CNTN5: variants seen among roughly 807,000 people sequenced by gnomAD.
CNTN5 encodes contactin 5, also known as contactin-5.
CNTN5 carries 77 observed loss-of-function variants against 129.1 expected under a neutral mutation model. The ratio of observed to expected loss-of-function variants is 0.60; its 90% CI spans 0.50 to 0.72. The LOEUF is 0.72. Ranked by LOEUF, CNTN5 falls within the 30% of genes least tolerant of loss-of-function variation. The pLI, the probability that CNTN5 is intolerant of heterozygous loss-of-function variation, is 0.00. For missense variants in CNTN5, 1,478 were observed against 1,328.8 expected (o/e 1.11, Z -1.75); for synonymous variants, 509 against 465.6 (o/e 1.09, Z -1.20).
intron 1 of CNTN5, among the ~76,000 whole-genome samples, chr11:99,181,111 G>A (rs1460810571): frequency 6.6e-6 from 1 of 152,152 alleles, no homozygotes; most frequent in Non-Finnish European, 1.5e-5. Flanking sequence ...ACCACCACCA[G>A]GGGGTCTGGT....
chr11:99,055,644 G>A (rs1330058131), intron 1 of CNTN5, among the ~76,000 whole-genome samples: 1 of 151,826 alleles, frequency 6.6e-6, no homozygotes, highest in East Asian at 1.9e-4. Context: ...GCTGTATGGT[G>A]TACATTTTAA....
At chr11:99,322,508 A>G (rs1486289517) in intron 1 of CNTN5, among the ~76,000 whole-genome samples, 1 of 152,198 alleles carries the variant, frequency 6.6e-6, no homozygotes, top group Non-Finnish European at 1.5e-5. Context: ...TTTGAAGCAT[A>G]GGGAACAGTG....
chr11:99,898,071 AG>A (rs1409848836), intron 6 of CNTN5, among the ~76,000 whole-genome samples: 8 of 152,130 alleles, frequency 5.3e-5, no homozygotes, highest in Non-Finnish European at 1.0e-4. Context: ...AATACAGTGA[AG>A]GCATTGCTAA....
intron 3 of CNTN5, among the ~76,000 whole-genome samples, chr11:99,682,300 AAAGAG>A (rs148885525): frequency 0.014 from 2,168 of 152,036 alleles, 101 homozygotes; most frequent in Admixed American, 0.094. Flanking sequence ...TGTAAAATGA[AAAGAG>A]AAGAGAGATA....
At chr11:99,208,844 T>A (rs2169380) in intron 1 of CNTN5, among the ~76,000 whole-genome samples, 18,510 of 152,100 alleles carry the variant, frequency 0.12, 1,560 homozygotes, top group East Asian at 0.4. Context: ...GCAAGGAGGT[T>A]ACTGGAAGAA....
chr11:99,435,440 C>T (rs989868809), intron 2 of CNTN5, among the ~76,000 whole-genome samples: 11 of 152,264 alleles, frequency 7.2e-5, no homozygotes, highest in African/African-American at 2.6e-4. Context: ...GGGTTCTACA[C>T]ACTAGCAGTG....
At chr11:99,647,388 T>C (rs1484290673) in intron 3 of CNTN5, among the ~76,000 whole-genome samples, 2 of 152,138 alleles carry the variant, frequency 1.3e-5, no homozygotes, top group African/African-American at 4.8e-5. Context: ...TTCTGTTCCA[T>C]TGGTCTATGT....
chr11:100,087,705 G>A (rs1411391568), intron 13 of CNTN5, among the ~76,000 whole-genome samples: 5 of 152,002 alleles, frequency 3.3e-5, no homozygotes, highest in African/African-American at 1.2e-4. Context: ...CCTACTTAGA[G>A]CATTAGACAG....
At chr11:100,050,795 A>C (rs868385511) in intron 9 of CNTN5, among the ~76,000 whole-genome samples, 4 of 152,156 alleles carry the variant, frequency 2.6e-5, no homozygotes, top group Admixed American at 6.6e-5. Context: ...TGAAGAGAGT[A>C]TCTTAATATC....
At chr11:99,690,508 A>G (rs1474210148) in intron 3 of CNTN5, among the ~76,000 whole-genome samples, 15 of 152,146 alleles carry the variant, frequency 9.9e-5, no homozygotes, top group Admixed American at 9.8e-4. Flanking sequence ...TTCTGTGAAG[A>G]ATGTCCATGG....
chr11:99,058,869 G>A (rs1472776278), intron 1 of CNTN5, among the ~76,000 whole-genome samples: 1 of 151,326 alleles, frequency 6.6e-6, no homozygotes, highest in African/African-American at 2.4e-5. Context: ...TAAATGATGA[G>A]GATTGAATGG....
chr11:100,140,290 G>A (rs1218281436), intron 13 of CNTN5, among the ~76,000 whole-genome samples: 1 of 152,148 alleles, frequency 6.6e-6, no homozygotes, highest in South Asian at 2.1e-4. Context: ...TATGGGTGCA[G>A]GCATAGAGGA....
At position 100,071,691 on chromosome 11, in the gene CNTN5, T is replaced by A. The variant is rs201499709; in HGVS notation, c.1300-14T>A. 1.0e-4 allele frequency: 159 copies of A among 1,539,066 alleles called. No individual in the cohort carries two copies. The highest frequency in any genetic ancestry group is 1.3e-4 in the Non-Finnish European group (146 of 1,143,040). ...GTTTACTTTCTAGATCTAATTTTTT[T>A]AATTCCATTACAGAGTAGGGTTGAG... is the stretch of plus-strand genomic sequence containing the variant. On this transcript the variant is annotated splice_polypyrimidine_tract_variant and intron_variant, in intron 11 of 24. Transcript: ENST00000524871.
chr11:99,547,016 T>TC (rs1284451213), intron 2 of CNTN5, among the ~76,000 whole-genome samples: 1 of 151,170 alleles, frequency 6.6e-6, no homozygotes, highest in African/African-American at 2.4e-5. Flanking sequence ...TTTTTTTTTT[T>TC]TTTTGAGACA....
intron 3 of CNTN5, among the ~76,000 whole-genome samples, chr11:99,786,068 T>A (rs1172722317): frequency 6.6e-6 from 1 of 152,042 alleles, no homozygotes; most frequent in Non-Finnish European, 1.5e-5. Context: ...TCAAATTGTG[T>A]CTGTTTGCAG....
At chr11:99,999,525 G>T (rs1442148663) in intron 8 of CNTN5, among the ~76,000 whole-genome samples, 1 of 152,196 alleles carries the variant, frequency 6.6e-6, no homozygotes, top group Non-Finnish European at 1.5e-5. Flanking sequence ...TGGAGAGGAT[G>T]TGGAGAAACA....
At chr11:99,588,128 T>C (rs893785420) in intron 3 of CNTN5, among the ~76,000 whole-genome samples, 3 of 152,064 alleles carry the variant, frequency 2.0e-5, no homozygotes, top group Non-Finnish European at 4.4e-5. Flanking sequence ...CGGATCACGA[T>C]GTCAGGAGAT....
intron 10 of CNTN5, 119 bp from the exon 11 acceptor site, chr11:100,070,305 A>C: frequency 9.6e-7 from 1 of 1,040,438 alleles, no homozygotes; most frequent in Middle Eastern, 3.2e-4. Flanking sequence ...TCTTCAAAAT[A>C]CCTATGGTTG....
chr11:99,892,574 A>T (rs2099812), intron 6 of CNTN5, among the ~76,000 whole-genome samples: 144,682 of 152,228 alleles, frequency 0.95, 68,981 homozygotes, highest in Non-Finnish European at 0.99. Flanking sequence ...CACATTTTTT[A>T]AAATAGGGAA....
Sources: gnomAD v4.1 joint callset for allele counts (sites outside exome capture counted in the v4.1 genomes callset) on GRCh38, gnomAD v4.1.1 for gene constraint, MANE v1.5 for transcripts, NCBI Gene and HGNC (gene_info 2026-07-23, HGNC 2026-07-21) for gene names.